The following ARL15 variants were observed in gnomAD, a reference collection of about 807,000 sequenced individuals.
ARL15 encodes ARF like GTPase 15.
Under a neutral mutation model 25.2 loss-of-function variants are expected in ARL15, and 19 were observed. The ratio of observed to expected loss-of-function variants is 0.75; its 90% CI spans 0.53 to 1.10. The LOEUF (loss-of-function observed/expected upper bound fraction) is 1.10, where lower values mean the gene tolerates loss of function less well. ARL15 is among the 50% of genes least tolerant of loss of function. The pLI is 0.00. For synonymous variants in ARL15, 94 were observed against 86.8 expected (o/e 1.08, Z -0.46); for missense variants, 220 against 246.0 (o/e 0.89, Z 0.71).
chr5:54,225,469 CAGG>C (rs754789524), intron 1 of ARL15, among the ~76,000 whole-genome samples: 1 of 152,042 alleles, frequency 6.6e-6, no homozygotes. Flanking sequence ...AGCAGAACAG[CAGG>C]AGAAGATACT....
rs1477775085 is a variant in ARL15, at chr5:54,145,441, T to A, written c.253+9139A>T. On this transcript the variant is annotated intron_variant, in intron 3 of 4. Coordinates refer to ENST00000504924, the MANE Select transcript of ARL15 (RefSeq NM_019087.3). ...CTTTGAACGTGTCAGAGAATCAATC[T>A]AGTCTGTTAAGTGATAAATAGCTAT... 2.0e-5 allele frequency among the ~76,000 whole-genome samples: 3 copies of A among 152,248 alleles called. No individual in the cohort carries two copies. The East Asian group carries it at 5.8e-4, about 29-fold the overall frequency.
At chr5:54,065,670 A>C (rs1287210283) in intron 4 of ARL15, among the ~76,000 whole-genome samples, 1 of 134,188 alleles carries the variant, frequency 7.5e-6, no homozygotes, top group Non-Finnish European at 1.5e-5. Context: ...TGTCTCAAAA[A>C]CAAACAAGCA....
intron 1 of ARL15, among the ~76,000 whole-genome samples, chr5:54,259,607 A>G (rs1757448273): frequency 6.6e-6 from 1 of 152,180 alleles, no homozygotes. Flanking sequence ...GGTCATCAAC[A>G]TTCAGACACC....
rs190235954 is a variant in ARL15, at chr5:54,032,901, C to G, written c.462+80301G>C. ...TCCTGGATTAACAGGCCACCTTGAA[C>G]TAAAAATGTTGGTTAATGTTTTACT... On this transcript the variant is annotated intron_variant, in intron 4 of 4. Transcript: ENST00000504924. Among the ~76,000 whole-genome samples, 355 of 151,936 alleles carry G rather than the reference C, an allele frequency of 2.3e-3. 1 individual carries two copies. The highest frequency in any genetic ancestry group is 8.2e-3 in the African/African-American group (341 of 41,420).
At chr5:54,209,109 T>C (rs547832280) in intron 1 of ARL15, among the ~76,000 whole-genome samples, 1 of 152,196 alleles carries the variant, frequency 6.6e-6, no homozygotes, top group African/African-American at 2.4e-5. Flanking sequence ...AAAGGCATAA[T>C]AATGTAAACA....
intron 1 of ARL15, among the ~76,000 whole-genome samples, chr5:54,259,768 T>C (rs1021256956): frequency 6.6e-6 from 1 of 152,204 alleles, no homozygotes; most frequent in African/African-American, 2.4e-5. Context: ...TACAACATTA[T>C]CACATGGTCT....
intron 4 of ARL15, among the ~76,000 whole-genome samples, chr5:53,918,208 C>T (rs997691634): frequency 6.6e-6 from 1 of 151,986 alleles, no homozygotes; most frequent in African/African-American, 2.4e-5. Flanking sequence ...TTTATTTAGA[C>T]AGGGTCTCAC....
chr5:53,920,227 A>G (rs1745801807), intron 4 of ARL15, among the ~76,000 whole-genome samples: 1 of 152,200 alleles, frequency 6.6e-6, no homozygotes, highest in Non-Finnish European at 1.5e-5. Context: ...TTGGTAGAGT[A>G]GCCCAATTTT....
rs145062995 is a variant in ARL15, at chr5:54,149,120, C to T, written c.253+5460G>A. 2.0e-5 allele frequency among the ~76,000 whole-genome samples: 3 copies of T among 152,262 alleles called. No individual in the cohort carries two copies. In the East Asian group the frequency reaches 5.8e-4, roughly 29 times the overall value. On this transcript the variant is annotated intron_variant, in intron 3 of 4. Coordinates refer to ENST00000504924, the MANE Select transcript of ARL15 (RefSeq NM_019087.3). ...ACTCAGCTAAATGCCAGATGCTTCA[C>T]TTACTTTCATAATGCGGTTAAAGTA...
intron 4 of ARL15, among the ~76,000 whole-genome samples, chr5:53,950,123 A>G (rs572395492): frequency 1.3e-5 from 2 of 152,336 alleles, no homozygotes; most frequent in East Asian, 3.9e-4. Context: ...GAAAGTATGT[A>G]GTATTCAAGT....
intron 1 of ARL15, among the ~76,000 whole-genome samples, chr5:54,173,690 T>C (rs1579873009): frequency 6.6e-6 from 1 of 152,084 alleles, no homozygotes; most frequent in Admixed American, 6.6e-5. Context: ...GTGCCCCCTA[T>C]TCTCCACATT....
At chr5:54,135,737 G>C (rs1222365571) in intron 3 of ARL15, among the ~76,000 whole-genome samples, 1 of 152,164 alleles carries the variant, frequency 6.6e-6, no homozygotes, top group Non-Finnish European at 1.5e-5. Context: ...CCAGAGATTT[G>C]AAAACAGCAA....
intron 4 of ARL15, among the ~76,000 whole-genome samples, chr5:53,963,854 C>A (rs1427104691): frequency 6.7e-6 from 1 of 149,172 alleles, no homozygotes; most frequent in African/African-American, 2.5e-5. Flanking sequence ...CACACATACA[C>A]AGAGTAACTT....
At chr5:54,223,455 C>T (rs372389523) in intron 1 of ARL15, among the ~76,000 whole-genome samples, 14 of 152,172 alleles carry the variant, frequency 9.2e-5, no homozygotes, top group East Asian at 7.7e-4. Context: ...AAGTTGAATG[C>T]GATCCCAGAG....
chr5:53,925,808 T>TA (rs915057541), intron 4 of ARL15, among the ~76,000 whole-genome samples: 3 of 151,536 alleles, frequency 2.0e-5, no homozygotes, highest in African/African-American at 7.3e-5. Context: ...ACCTTGTCTT[T>TA]AAAAAAAACC....
chr5:54,211,714 C>T (rs547586716), intron 1 of ARL15, among the ~76,000 whole-genome samples: 4 of 151,998 alleles, frequency 2.6e-5, no homozygotes, highest in East Asian at 1.9e-4. Context: ...TCAGGTGATC[C>T]GACCGCCTCA....
intron 4 of ARL15, among the ~76,000 whole-genome samples, chr5:54,056,966 G>T (rs1338167215): frequency 6.6e-6 from 1 of 151,868 alleles, no homozygotes; most frequent in African/African-American, 2.4e-5. Context: ...ATACACATGT[G>T]CACATACATG....
intron 4 of ARL15, among the ~76,000 whole-genome samples, chr5:53,931,711 C>T (rs925440471): frequency 6.6e-6 from 1 of 152,216 alleles, no homozygotes; most frequent in Non-Finnish European, 1.5e-5. Flanking sequence ...TTCTCAACAG[C>T]ATAAATACCC....
At chr5:54,252,781 G>A (rs1757268042) in intron 1 of ARL15, among the ~76,000 whole-genome samples, 1 of 152,118 alleles carries the variant, frequency 6.6e-6, no homozygotes, top group Non-Finnish European at 1.5e-5. Context: ...CTGGAGTGCA[G>A]TGGCCCAATC....
Sources: allele counts gnomAD v4.1 joint callset (sites outside exome capture counted in the v4.1 genomes callset), GRCh38; gene constraint gnomAD v4.1.1; transcripts MANE v1.5; gene names NCBI Gene and HGNC (gene_info 2026-07-23, HGNC 2026-07-21).